Variants in CMYA5 observed in about 807,000 individuals in gnomAD.
The protein encoded by CMYA5 is cardiomyopathy-associated protein 5.
In CMYA5, 246 loss-of-function variants were observed where a neutral mutation model predicts 318.9. That is an observed-to-expected ratio of 0.77 (90% CI 0.70 to 0.86). The LOEUF (loss-of-function observed/expected upper bound fraction) is 0.86. Ranked by LOEUF, CMYA5 falls within the 40% of genes least tolerant of loss-of-function variation. The pLI is 0.00. For synonymous variants in CMYA5, 1,641 were observed against 1,729.5 expected (o/e 0.95, Z 1.27); for missense variants, 4,589 against 4,678.2 (o/e 0.98, Z 0.56).
intron 2 of CMYA5, among the ~76,000 whole-genome samples, chr5:79,741,521 GA>G (rs139357527): frequency 0.024 from 3,717 of 152,228 alleles, 62 homozygotes; most frequent in South Asian, 0.041. Flanking sequence ...CAACTTGTCT[GA>G]TATTGGTTCT....
chr5:79,799,873 A>ACAAAG lies in CMYA5; in HGVS notation c.*257_*258insCAAAG. 1.4e-5 allele frequency: 2 copies of ACAAAG among 142,346 alleles called. No homozygotes were observed. Among genetic ancestry groups the ACAAAG allele is most frequent in the South Asian group, 1.5e-4 (1 of 6,880 alleles). 8.8% of individuals were successfully genotyped at this position (142,346 alleles called of 1,614,324 possible). On this transcript the variant is annotated 3_prime_UTR_variant, in exon 13 of 13. Coordinates refer to ENST00000446378, the MANE Select transcript of CMYA5 (RefSeq NM_153610.5). ...AAGTTTGAGTTCTTTCCTAAATTAA[A>ACAAAG]AGATCTACACTTGAGTTGGGAACCG...
At chr5:79,746,753 T>C (rs568784741) in intron 4 of CMYA5, among the ~76,000 whole-genome samples, 1 of 152,264 alleles carries the variant, frequency 6.6e-6, no homozygotes, top group East Asian at 1.9e-4. Flanking sequence ...CATTGGTTGA[T>C]GAATAGAGAG....
At chr5:79,746,977 G>C (rs1006884803) in intron 4 of CMYA5, 114 bp from the exon 5 acceptor site, 1 of 679,182 alleles carries the variant, frequency 1.5e-6, no homozygotes, top group Non-Finnish European at 2.5e-6. Context: ...TCAAACGTGG[G>C]TAATCTTAAT....
intron 8 of CMYA5, chr5:79,762,633 T>G (rs764608065): frequency 5.3e-4 from 84 of 157,412 alleles, no homozygotes; most frequent in Non-Finnish European, 1.1e-3. Context: ...AAGATAATGG[T>G]AACCTGCCTC....
At chr5:79,693,933 T>G (rs1473362056) in intron 1 of CMYA5, among the ~76,000 whole-genome samples, 1 of 152,108 alleles carries the variant, frequency 6.6e-6, no homozygotes, top group Non-Finnish European at 1.5e-5. Flanking sequence ...GATGAGGTAG[T>G]GAAGAAAGCC....
At chr5:79,773,420 G>A (rs1253419318) in intron 9 of CMYA5, among the ~76,000 whole-genome samples, 3 of 152,172 alleles carry the variant, frequency 2.0e-5, no homozygotes, top group Non-Finnish European at 2.9e-5. Flanking sequence ...TCTGTGGACT[G>A]GAAACCTTCC....
chr5:79,777,823 T>C (rs1215039893), intron 9 of CMYA5, among the ~76,000 whole-genome samples: 2 of 151,948 alleles, frequency 1.3e-5, no homozygotes, highest in Non-Finnish European at 2.9e-5. Context: ...ATTTTATTGT[T>C]TTAAGAATAT....
chr5:79,754,972 T>C (rs1828499472), intron 6 of CMYA5, among the ~76,000 whole-genome samples: 1 of 152,208 alleles, frequency 6.6e-6, no homozygotes, highest in Admixed American at 6.5e-5. Flanking sequence ...AGTAATATCC[T>C]CAAAGCTTAC....
At chr5:79,771,378 C>T (rs1828854218) in intron 9 of CMYA5, among the ~76,000 whole-genome samples, 1 of 152,188 alleles carries the variant, frequency 6.6e-6, no homozygotes, top group African/African-American at 2.4e-5. Context: ...AGAGTAATCT[C>T]TCCCACCATT....
chr5:79,769,092 T>C lies in CMYA5; in HGVS notation c.11555+5883T>C, dbSNP rs377468855. 2.1e-4 allele frequency among the ~76,000 whole-genome samples: 32 copies of C among 152,126 alleles called. No homozygotes were observed. In the East Asian group the frequency reaches 5.8e-3, roughly 28 times the overall value. The stretch of plus-strand genomic sequence containing the variant: ...TTCTTCCGCTTGATTAATTTGGCTA[T>C]TGATACTTGTGTAGGCGTCAAGAAG... On this transcript the variant is annotated intron_variant, in intron 9 of 12. Coordinates refer to ENST00000446378, the MANE Select transcript of CMYA5 (RefSeq NM_153610.5).
In CMYA5 at chr5:79,775,315, C is replaced by G. The variant is rs541992286; in HGVS notation, c.11555+12106C>G. 2.6e-5 allele frequency among the ~76,000 whole-genome samples: 4 copies of G among 152,252 alleles called. No homozygotes were observed. In the South Asian group the frequency reaches 8.3e-4, roughly 32 times the overall value. On this transcript the variant is annotated intron_variant, in intron 9 of 12. Transcript: ENST00000446378. Reference sequence around the variant, plus strand: ...CAGTAAAACCTCAGTCAATGGAAACCCAATCAGTTCCTTCACTTCTAACTT... The same window carrying G: ...CAGTAAAACCTCAGTCAATGGAAACGCAATCAGTTCCTTCACTTCTAACTT...
At chr5:79,790,647 G>T (rs944085304) in intron 10 of CMYA5, among the ~76,000 whole-genome samples, 1 of 152,190 alleles carries the variant, frequency 6.6e-6, no homozygotes, top group South Asian at 2.1e-4. Context: ...GGAGGGCTGC[G>T]GTGGGGTCCG....
chr5:79,793,503 A>G lies in CMYA5; in HGVS notation c.11856A>G (p.Thr3952=). Residue 3952 remains threonine, a synonymous_variant, in exon 12 of 13, where the codon ACA becomes ACG. Coordinates refer to ENST00000446378, the MANE Select transcript of CMYA5 (RefSeq NM_153610.5). The part of the protein sequence containing the change: ...CGQHYWETTV[T]DCPAYRLGIC... ...AGCATTACTGGGAAACCACAGTCAC[A>G]GACTGCCCAGCATATCGACTCGGCA... 6.2e-7 allele frequency: 1 copy of G among 1,613,994 alleles called. No individual in the cohort carries two copies. The highest frequency in any genetic ancestry group is 2.2e-5 in the East Asian group (1 of 44,876).
intron 1 of CMYA5, among the ~76,000 whole-genome samples, chr5:79,699,179 A>C (rs146726596): frequency 1.5e-4 from 23 of 148,862 alleles, no homozygotes; most frequent in East Asian, 4.1e-4. Context: ...ACAACAACAA[A>C]AAAAGAAAAG....
At chr5:79,785,255 C>CT (rs1202160813) in intron 9 of CMYA5, among the ~76,000 whole-genome samples, 6 of 151,230 alleles carry the variant, frequency 4.0e-5, no homozygotes, top group Admixed American at 6.6e-5. Flanking sequence ...CGCTTCCTGA[C>CT]TTTTTTTTTC....
chr5:79,775,274 A>G (rs1828918921), intron 9 of CMYA5, among the ~76,000 whole-genome samples: 1 of 152,130 alleles, frequency 6.6e-6, no homozygotes, highest in Non-Finnish European at 1.5e-5. Flanking sequence ...ATCACGTACA[A>G]CACCTCCTAG....
At position 79,732,833 on chromosome 5, in the gene CMYA5, A is replaced by G; in HGVS notation, c.4068A>G (p.Ala1356=). 6 of 1,613,766 alleles carry G rather than the reference A, an allele frequency of 3.7e-6. No homozygotes were observed. The highest frequency in any genetic ancestry group is 5.1e-6 in the Non-Finnish European group (6 of 1,179,820). ...AACCCAGTTCCTCAACAACTACAGC[A>G]TCTGTAACTAAGCTTGATTCAAACT... is the stretch of plus-strand genomic sequence containing the variant. ...EIEPSSSTTT[A]SVTKLDSNLT... The change falls in exon 2 of 13, where the codon GCA becomes GCG. Residue 1356 remains alanine, a synonymous_variant. Transcript: ENST00000446378.
chr5:79,726,283 A>G (rs1001498890), intron 1 of CMYA5, among the ~76,000 whole-genome samples: 2 of 152,218 alleles, frequency 1.3e-5, no homozygotes, highest in African/African-American at 4.8e-5. Context: ...TTCTACATTC[A>G]TGGGCATTCA....
chr5:79,775,651 A>T (rs1476651648), intron 9 of CMYA5, among the ~76,000 whole-genome samples: 1 of 152,198 alleles, frequency 6.6e-6, no homozygotes, highest in African/African-American at 2.4e-5. Context: ...TCTAAGATGA[A>T]TTTTTCATGT....
Sources: gnomAD v4.1 joint callset for allele counts (sites outside exome capture counted in the v4.1 genomes callset) on GRCh38, gnomAD v4.1.1 for gene constraint, MANE v1.5 for transcripts, NCBI Gene and HGNC (gene_info 2026-07-23, HGNC 2026-07-21) for gene names.